The following IMMP2L variants were observed in gnomAD, a reference collection of about 807,000 sequenced individuals.
IMMP2L encodes the protein mitochondrial inner membrane protease subunit 2.
In IMMP2L, 18 loss-of-function variants were observed where a neutral mutation model predicts 19.3. That is an observed-to-expected ratio of 0.93 (90% CI 0.64 to 1.38). IMMP2L has a LOEUF of 1.38. Ranked by LOEUF, IMMP2L falls within the 40% of genes most tolerant of loss-of-function variation. The pLI, the probability that IMMP2L is intolerant of heterozygous loss-of-function variation, is 0.00. For missense variants in IMMP2L, 233 were observed against 218.2 expected, an observed-to-expected ratio of 1.07 and a Z score of -0.43; for synonymous variants, 76 against 73.0, an observed-to-expected ratio of 1.04 and a Z score of -0.21.
intron 3 of IMMP2L, among the ~76,000 whole-genome samples, chr7:110,983,791 G>A (rs1449802563): frequency 6.6e-6 from 1 of 151,916 alleles, no homozygotes; most frequent in Non-Finnish European, 1.5e-5. Flanking sequence ...ACATTCAGTA[G>A]TATCAAGGGA....
intron 3 of IMMP2L, chr7:111,391,870 G>A (rs1204273251): frequency 1.4e-6 from 1 of 702,646 alleles, no homozygotes; most frequent in Admixed American, 2.0e-5. Flanking sequence ...CTCCAGATGG[G>A]ATTCCTGCCC....
chr7:111,547,525 C>T (rs1849044736), intron 1 of IMMP2L, among the ~76,000 whole-genome samples: 1 of 135,718 alleles, frequency 7.4e-6, no homozygotes, highest in Non-Finnish European at 1.6e-5. Flanking sequence ...CCTTTTTATC[C>T]TGCTTTTTTG....
intron 3 of IMMP2L, among the ~76,000 whole-genome samples, chr7:111,022,711 A>G (rs930156631): frequency 1.3e-4 from 20 of 152,208 alleles, no homozygotes; most frequent in African/African-American, 4.3e-4. Context: ...CTTCAGGACT[A>G]AAAACAGAAG....
intron 3 of IMMP2L, among the ~76,000 whole-genome samples, chr7:111,126,915 A>G (rs1240110204): frequency 6.6e-6 from 1 of 152,206 alleles, no homozygotes; most frequent in Admixed American, 6.5e-5. Context: ...TCACTGGCCT[A>G]TAAACATTTC....
intron 5 of IMMP2L, among the ~76,000 whole-genome samples, chr7:110,775,948 G>A (rs1329090183): frequency 6.8e-6 from 1 of 147,916 alleles, no homozygotes; most frequent in African/African-American, 2.6e-5. Flanking sequence ...CATAAAATAA[G>A]CAAAATACAC....
At chr7:111,071,269 C>T (rs1794924982) in intron 3 of IMMP2L, among the ~76,000 whole-genome samples, 1 of 151,914 alleles carries the variant, frequency 6.6e-6, no homozygotes, top group South Asian at 2.1e-4. Flanking sequence ...AGAAATGTAA[C>T]CCTCATACAT....
chr7:111,132,606 T>C (rs532305758), intron 3 of IMMP2L, among the ~76,000 whole-genome samples: 80 of 152,166 alleles, frequency 5.3e-4, no homozygotes, highest in African/African-American at 1.9e-3. Flanking sequence ...GACTGACGTG[T>C]AATCTATTGC....
chr7:111,031,934 A>ATTTTTTTTTTTTT (rs57560784), intron 3 of IMMP2L, among the ~76,000 whole-genome samples: 1 of 108,074 alleles, frequency 9.3e-6, no homozygotes, highest in African/African-American at 3.8e-5. Flanking sequence ...AACACCAGAG[A>ATTTTTTTTTTTTT]TTTTTTTTTT....
chr7:110,717,899 T>C (rs1285185896), intron 5 of IMMP2L, among the ~76,000 whole-genome samples: 1 of 152,068 alleles, frequency 6.6e-6, no homozygotes, highest in Non-Finnish European at 1.5e-5. Flanking sequence ...GAGGAGGAAG[T>C]ATTATTGAGA....
intron 2 of IMMP2L, among the ~76,000 whole-genome samples, chr7:111,495,824 G>A (rs1843543390): frequency 6.6e-6 from 1 of 151,856 alleles, no homozygotes; most frequent in East Asian, 1.9e-4. Flanking sequence ...TACTTCTTTG[G>A]GTACAATGCT....
In IMMP2L at chr7:111,407,141, A is replaced by C. The variant is rs1233112113; in HGVS notation, c.239+80097T>G. Among the ~76,000 whole-genome samples, 5 of 152,198 alleles carry C rather than the reference A, an allele frequency of 3.3e-5. No individual in the cohort carries two copies. In the South Asian group the frequency reaches 1.0e-3, roughly 32 times the overall value. The stretch of plus-strand genomic sequence containing the variant: ...ACACTAGGATAGCTAAAATCAAAAA[A>C]GATAAAAAATAACAAATGTTGGTGA... On this transcript the variant is annotated intron_variant, in intron 3 of 5. Transcript: ENST00000405709.
chr7:111,012,256 C>A (rs1227418242), intron 3 of IMMP2L, among the ~76,000 whole-genome samples: 1 of 152,092 alleles, frequency 6.6e-6, no homozygotes, highest in Non-Finnish European at 1.5e-5. Flanking sequence ...AGTAACAATG[C>A]AATTATTTCC....
chr7:111,092,869 C>CT (rs980506867), intron 3 of IMMP2L, among the ~76,000 whole-genome samples: 2 of 152,154 alleles, frequency 1.3e-5, no homozygotes, highest in Non-Finnish European at 2.9e-5. Flanking sequence ...TCTCTCCTGC[C>CT]TTCTTTTAGT....
At chr7:111,331,593 G>A (rs1179611122) in intron 3 of IMMP2L, among the ~76,000 whole-genome samples, 1 of 151,714 alleles carries the variant, frequency 6.6e-6, no homozygotes, top group Non-Finnish European at 1.5e-5. Context: ...AGGTATTTGA[G>A]GTATTGAATA....
intron 3 of IMMP2L, among the ~76,000 whole-genome samples, chr7:111,405,688 T>G (rs1198797724): frequency 1.3e-5 from 2 of 152,100 alleles, no homozygotes; most frequent in Non-Finnish European, 2.9e-5. Flanking sequence ...CCTTCTCATT[T>G]TCCTGACTCC....
chr7:111,257,172 C>A (rs964827948), intron 3 of IMMP2L, among the ~76,000 whole-genome samples: 2 of 152,014 alleles, frequency 1.3e-5, no homozygotes, highest in African/African-American at 4.8e-5. Context: ...GTGTTTCACA[C>A]AGAACTCATA....
intron 3 of IMMP2L, among the ~76,000 whole-genome samples, chr7:111,208,978 C>T (rs1264475015): frequency 1.3e-5 from 2 of 152,102 alleles, no homozygotes; most frequent in Non-Finnish European, 2.9e-5. Flanking sequence ...TATCTTACTC[C>T]CATGGGTGCT....
chr7:111,074,370 C>A lies in IMMP2L; in HGVS notation c.240-110805G>T, dbSNP rs891848225. Among the ~76,000 whole-genome samples, 4 of 152,338 alleles carry A rather than the reference C, an allele frequency of 2.6e-5. No individual in the cohort carries two copies. The South Asian group carries it at 8.3e-4, about 32-fold the overall frequency. On this transcript the variant is annotated intron_variant, in intron 3 of 5. Transcript: ENST00000405709. ...TAATTTGCTTTTCATAAACACCACA[C>A]TTGCAATAAACTTTTAAAGCAAGAT...
intron 3 of IMMP2L, among the ~76,000 whole-genome samples, chr7:111,441,591 T>A (rs1384557826): frequency 1.3e-5 from 2 of 150,952 alleles, no homozygotes; most frequent in Non-Finnish European, 2.9e-5. Context: ...GCAGATATAA[T>A]AACAAAAAAG....
Sources: gnomAD v4.1 joint callset for allele counts (sites outside exome capture counted in the v4.1 genomes callset) on GRCh38, gnomAD v4.1.1 for gene constraint, MANE v1.5 for transcripts, NCBI Gene and HGNC (gene_info 2026-07-23, HGNC 2026-07-21) for gene names.